The following MACF1 variants were observed in gnomAD, a reference collection of about 807,000 sequenced individuals.
MACF1 encodes microtubule actin crosslinking factor 1.
MACF1 carries 193 observed loss-of-function variants against 854.8 expected under a neutral mutation model. The observed-to-expected ratio is 0.23, with a 90% CI of 0.20 to 0.25. The LOEUF (loss-of-function observed/expected upper bound fraction) is 0.25, where lower values mean the gene tolerates loss of function less well. MACF1 is among the 10% of genes least tolerant of loss of function. The pLI is 1.00. For missense variants in MACF1, 7,722 were observed against 8,929.1 expected (o/e 0.86, Z 5.45); for synonymous variants, 3,185 against 3,226.7 (o/e 0.99, Z 0.44).
intron 49 of MACF1, among the ~76,000 whole-genome samples, chr1:39,366,357 G>T (rs1000837776): frequency 1.3e-5 from 2 of 151,920 alleles, no homozygotes; most frequent in African/African-American, 4.8e-5. Flanking sequence ...GTTTTGAGAT[G>T]GGGTCCTGCT....
chr1:39,428,030 T>A lies in MACF1; in HGVS notation c.16546T>A (p.Ser5516Thr). 1.2e-6 allele frequency: 2 copies of A among 1,614,220 alleles called. No individual in the cohort carries two copies. The highest frequency in any genetic ancestry group is 1.7e-6 in the Non-Finnish European group (2 of 1,180,036). ...HQAVKIGQSL[S>T]SLTSPAEQGV... The stretch of plus-strand genomic sequence containing the variant: ...GGCAGTCAAAATTGGGCAGTCCCTC[T>A]CCTCCCTGACATCTCCTGCAGAACA... Residue 5516 changes from serine to threonine, a missense_variant, in exon 63 of 101, where the codon TCC (serine) becomes ACC (threonine). Ser to Thr is a moderately conservative substitution (Grantham distance 58, BLOSUM62 1). This residue lies in a region of MACF1 where 2,807 missense variants were observed against 3,235.8 expected (regional missense o/e 0.87). Transcript: ENST00000564288.
Position 39,146,375 on chromosome 1 carries a change from G to A in MACF1, c.220+61937G>A, listed in dbSNP as rs61782105. Among the ~76,000 whole-genome samples the A allele has an allele frequency of 4.6e-3, 694 of 151,476 alleles. 3 individuals carry two copies. The highest frequency in any genetic ancestry group is 7.4e-3 in the Non-Finnish European group (501 of 67,902). On this transcript the variant is annotated intron_variant, in intron 2 of 93. Transcript: ENST00000361689. Reference sequence around the variant, plus strand: ...GGAGAATTGCTTGAACCTGGAAGGTGAAGGTTGCAGTGAGCTGAGATTACG... The same window carrying A: ...GGAGAATTGCTTGAACCTGGAAGGTAAAGGTTGCAGTGAGCTGAGATTACG...
At chr1:39,358,582 C>G (rs1647799498) in intron 45 of MACF1, 115 bp from the exon 46 acceptor site, 3 of 933,888 alleles carry the variant, frequency 3.2e-6, no homozygotes, top group Non-Finnish European at 5.1e-6. Context: ...TGGCAATACC[C>G]TTATCTGAAG....
Position 39,287,545 on chromosome 1 carries a change from T to C in MACF1, c.1768T>C (p.Trp590Arg). ...NLRFVYELLS[W>R]VEEMQMKLER... ...CCGATTTGTGTATGAACTACTGTCT[T>C]GGGTAGAAGAGATGCAGGTGGGTGC... Residue 590 changes from tryptophan (W) to arginine (R), a missense_variant, in exon 15 of 101, where the codon TGG (tryptophan) becomes CGG (arginine). Physicochemically the swap from Trp to Arg is moderately radical, Grantham distance 101. This residue lies in a region of MACF1 where 1,137 missense variants were observed against 1,263.0 expected (regional missense o/e 0.90). Coordinates refer to ENST00000564288, the MANE Select transcript of MACF1 (RefSeq NM_001394062.1). 6.2e-7 allele frequency: 1 copy of C among 1,614,224 alleles called. No homozygotes were observed. The highest frequency in any genetic ancestry group is 8.5e-7 in the Non-Finnish European group (1 of 1,180,046).
At chr1:39,113,439 T>G (rs1642463333) in intron 2 of MACF1, among the ~76,000 whole-genome samples, 1 of 152,190 alleles carries the variant, frequency 6.6e-6, no homozygotes, top group South Asian at 2.1e-4. Flanking sequence ...TGTTTATCGT[T>G]CTGAATAAAA....
chr1:39,442,452 A>G lies in MACF1; in HGVS notation c.18989A>G (p.Gln6330Arg), dbSNP rs1644139136. 6.2e-7 allele frequency: 1 copy of G among 1,614,106 alleles called. No individual in the cohort carries two copies. The highest frequency in any genetic ancestry group is 8.5e-7 in the Non-Finnish European group (1 of 1,180,042). ...GCTCTGTTGGCCCTTGGTCAGTTCC[A>G]GCATGCCTTAGAGGAACTAATGAGT... is the stretch of plus-strand genomic sequence containing the variant. ...EGALLALGQF[Q>R]HALEELMSWL... The change falls in exon 77 of 101, where the codon CAG becomes CGG. Residue 6330 changes from glutamine (Q) to arginine (R), a missense_variant. Physicochemically the swap from Gln to Arg is conservative, Grantham distance 43. Around this residue, in one of 15 missense-constraint regions of MACF1, gnomAD observed 2,807 missense variants for 3,235.8 expected, o/e 0.87. Coordinates refer to ENST00000564288, the MANE Select transcript of MACF1 (RefSeq NM_001394062.1).
chr1:39,412,751 C>G lies in MACF1; in HGVS notation c.15817-9623C>G, dbSNP rs940838984. On this transcript the variant is annotated intron_variant, in intron 58 of 100. Transcript: ENST00000564288. ...GAACCAGTTTTAGAGGAATGGATACCCGTCCTCCAGAGACCTTCCCGGACT... is the reference window on the plus strand; with the variant it reads ...GAACCAGTTTTAGAGGAATGGATACGCGTCCTCCAGAGACCTTCCCGGACT... The G allele has an allele frequency of 4.3e-6, 7 of 1,613,040 alleles. No individual in the cohort carries two copies. The African/African-American group carries it at 6.7e-5, about 15-fold the overall frequency.
intron 52 of MACF1, among the ~76,000 whole-genome samples, chr1:39,374,714 C>G (rs2148544558): frequency 6.6e-6 from 1 of 152,252 alleles, no homozygotes; most frequent in East Asian, 1.9e-4. Flanking sequence ...GACTGATGAG[C>G]TGTAGTTTAC....
intron 97 of MACF1, among the ~76,000 whole-genome samples, chr1:39,478,049 C>T (rs1287271298): frequency 7.5e-6 from 1 of 134,146 alleles, no homozygotes; most frequent in Admixed American, 8.7e-5. Context: ...GTCACCCAGG[C>T]TGGAGTGCAG....
Position 39,285,101 on chromosome 1 carries a change from C to T in MACF1, c.1150C>T (p.Arg384Ter), listed in dbSNP as rs969499236. Reference sequence around the variant, plus strand: ...GTTTCAGGTGTGGATTGAATTTGGCCGAATTAAACTGCCTCAAGGTTATCA... The same window carrying T: ...GTTTCAGGTGTGGATTGAATTTGGCTGAATTAAACTGCCTCAAGGTTATCA... ...KLLEVWIEFG[R>*]IKLPQGYHPN... is the part of the protein sequence containing the mutation. Residue 384 changes from arginine to a stop codon, truncating the protein, a stop_gained, in exon 12 of 101, where the codon CGA becomes TGA. Transcript: ENST00000564288. LOFTEE classifies it high-confidence loss of function. 1 of 1,613,840 alleles carries T rather than the reference C, an allele frequency of 6.2e-7. No homozygotes were observed. Among genetic ancestry groups the T allele is most frequent in the Non-Finnish European group, 8.5e-7 (1 of 1,179,998 alleles).
At position 39,393,096 on chromosome 1, in the gene MACF1, C is replaced by T. The variant is rs185362845; in HGVS notation, c.15816+4438C>T. ...AGGAAAAGGAATTGTATGTGTCTAACAGGAGGCTAACAAGAAAGGAAGGAC... is the reference window on the plus strand; with the variant it reads ...AGGAAAAGGAATTGTATGTGTCTAATAGGAGGCTAACAAGAAAGGAAGGAC... On this transcript the variant is annotated intron_variant, in intron 58 of 100. Transcript: ENST00000564288. Among the ~76,000 whole-genome samples, 447 of 149,796 alleles carry T rather than the reference C, an allele frequency of 3.0e-3. 6 individuals carry two copies. The highest frequency in any genetic ancestry group is 0.011 in the African/African-American group (431 of 40,608).
At chr1:39,089,339 G>A (rs1381948650) in intron 2 of MACF1, among the ~76,000 whole-genome samples, 7 of 152,160 alleles carry the variant, frequency 4.6e-5, no homozygotes, top group Non-Finnish European at 1.0e-4. Flanking sequence ...CTAAAAAAGG[G>A]GTTAAGCTAT....
At chr1:39,444,207 C>T (rs1467569959) in intron 79 of MACF1, among the ~76,000 whole-genome samples, 1 of 151,844 alleles carries the variant, frequency 6.6e-6, no homozygotes, top group Admixed American at 6.6e-5. Context: ...TGGTGGCGGG[C>T]GCCTGTAGTC....
intron 44 of MACF1, among the ~76,000 whole-genome samples, chr1:39,354,299 T>A (rs928238997): frequency 6.6e-6 from 1 of 152,204 alleles, no homozygotes; most frequent in South Asian, 2.1e-4. Flanking sequence ...ATTCTTCAGA[T>A]CTCAGCTTAG....
intron 58 of MACF1, among the ~76,000 whole-genome samples, chr1:39,408,576 G>A (rs920214197): frequency 6.6e-5 from 10 of 152,152 alleles, no homozygotes; most frequent in Non-Finnish European, 1.3e-4. Flanking sequence ...GGGAGCGCGG[G>A]CGCCCTTTCT....
chr1:39,329,110 C>T (rs1233269568), intron 36 of MACF1, among the ~76,000 whole-genome samples: 1 of 152,166 alleles, frequency 6.6e-6, no homozygotes, highest in African/African-American at 2.4e-5. Flanking sequence ...TTAAAACAGA[C>T]ACATAGTGAG....
Position 39,447,719 on chromosome 1 carries a change from C to G in MACF1, c.19789C>G (p.Arg6597Gly). Residue 6597 changes from arginine to glycine, a missense_variant, in exon 82 of 101, where the codon CGA (arginine) becomes GGA (glycine). Physicochemically the swap from Arg to Gly is moderately radical, Grantham distance 125 (BLOSUM62 -2). Around this residue, in one of 15 missense-constraint regions of MACF1, gnomAD observed 729 missense variants for 900.5 expected, o/e 0.81. Transcript: ENST00000564288. Reference sequence around the variant, plus strand: ...TTTTGCTAATGAAGTAAATGCTCATCGAGACCAGATCATTGAGCTGGATCA... The same window carrying G: ...TTTTGCTAATGAAGTAAATGCTCATGGAGACCAGATCATTGAGCTGGATCA... ...KVFANEVNAH[R>G]DQIIELDQTG... 2.5e-6 allele frequency: 4 copies of G among 1,614,106 alleles called. No individual in the cohort carries two copies. Among genetic ancestry groups the G allele is most frequent in the Non-Finnish European group, 2.5e-6 (3 of 1,180,016 alleles).
chr1:39,161,030 G>A (rs947864090), intron 2 of MACF1, among the ~76,000 whole-genome samples: 1 of 152,164 alleles, frequency 6.6e-6, no homozygotes, highest in Non-Finnish European at 1.5e-5. Flanking sequence ...TAGAGACATT[G>A]TACAAGTTTT....
intron 2 of MACF1, among the ~76,000 whole-genome samples, chr1:39,134,787 A>C (rs1319404790): frequency 1.3e-5 from 2 of 152,230 alleles, no homozygotes; most frequent in African/African-American, 4.8e-5. Context: ...GATAAAATAC[A>C]CTAATATAAC....
Sources: allele counts gnomAD v4.1 joint callset (sites outside exome capture counted in the v4.1 genomes callset), GRCh38; gene constraint gnomAD v4.1.1; regional missense constraint gnomAD v4.1.1; transcripts MANE v1.5; gene names NCBI Gene and HGNC (gene_info 2026-07-23, HGNC 2026-07-21).